Variants in LSP1 observed in about 807,000 individuals in gnomAD.
LSP1 encodes lymphocyte-specific protein 1.
LSP1 carries 32 observed loss-of-function variants against 49.3 expected under a neutral mutation model. That is an observed-to-expected ratio of 0.65 (90% confidence interval 0.49 to 0.87). The LOEUF (loss-of-function observed/expected upper bound fraction) is 0.87, where lower values mean the gene tolerates loss of function less well. LSP1 is among the 40% of genes least tolerant of loss of function. The probability of loss-of-function intolerance (pLI) is 0.00; values close to 1 mark genes in which losing one functional copy is unlikely to be tolerated. For synonymous variants in LSP1, 179 were observed against 178.8 expected, an observed-to-expected ratio of 1.00 and a Z score of -0.01; for missense variants, 428 against 442.6, an observed-to-expected ratio of 0.97 and a Z score of 0.30.
chr11:1,886,394 A>G (rs1275139701), intron 7 of LSP1, among the ~76,000 whole-genome samples: 1 of 149,128 alleles, frequency 6.7e-6, no homozygotes, highest in African/African-American at 2.6e-5. Context: ...CCATCCAACC[A>G]ATACTCTGAA....
intron 10 of LSP1, chr11:1,889,542 A>T: frequency 1.6e-6 from 1 of 612,600 alleles, no homozygotes; most frequent in South Asian, 1.9e-5. Flanking sequence ...CTCCTCCAGC[A>T]GCTGCTTCTT....
intron 1 of LSP1, among the ~76,000 whole-genome samples, chr11:1,877,474 G>A (rs4047081): frequency 1.3e-5 from 2 of 152,150 alleles, no homozygotes; most frequent in East Asian, 1.9e-4. Context: ...GAGCTCAGTC[G>A]GAGTGATCCT....
intron 1 of LSP1, chr11:1,876,717 G>C: frequency 1.2e-6 from 1 of 849,638 alleles, no homozygotes; most frequent in Non-Finnish European, 1.4e-6. Flanking sequence ...AGGTAGAAGT[G>C]GGGGTGGGGG....
rs887699875 is a variant in LSP1, at chr11:1,883,495, C to G, written c.433C>G (p.Pro145Ala). Residue 145 changes from proline (P) to alanine (A), a missense_variant, in exon 4 of 11, where the codon CCA (proline) becomes GCA (alanine). Pro to Ala is a conservative substitution (Grantham distance 27). Coordinates refer to ENST00000311604, the MANE Select transcript of LSP1 (RefSeq NM_002339.3). The stretch of plus-strand genomic sequence containing the variant: ...GGAGTTGAGTCTGAGCAAGGAGGGG[C>G]CAGGCCCAGAGGACACTGTCCAGGA... ...LEELSLSKEG[P>A]GPEDTVQDNL... 1.2e-6 allele frequency: 2 copies of G among 1,613,984 alleles called. No individual in the cohort carries two copies. The highest frequency in any genetic ancestry group is 2.2e-5 in the East Asian group (1 of 44,886).
chr11:1,880,151 A>C lies in LSP1; in HGVS notation c.118A>C (p.Arg40=). Residue 40 remains arginine, a synonymous_variant, in exon 2 of 11, where the codon AGA becomes CGA. Coordinates refer to ENST00000311604, the MANE Select transcript of LSP1 (RefSeq NM_002339.3). The part of the protein sequence containing the change: ...EAVHEQCQHE[R]DRQLQAQDEE... Reference sequence around the variant, plus strand: ...CGTCCACGAGCAATGCCAGCATGAGAGAGACAGGCAGCTTCAGGCCCAGGA... The same window carrying C: ...CGTCCACGAGCAATGCCAGCATGAGCGAGACAGGCAGCTTCAGGCCCAGGA... 9 of 1,607,238 alleles carry C rather than the reference A, an allele frequency of 5.6e-6. No individual in the cohort carries two copies. Among genetic ancestry groups the C allele is most frequent in the Non-Finnish European group, 7.7e-6 (9 of 1,176,262 alleles).
intron 7 of LSP1, among the ~76,000 whole-genome samples, chr11:1,885,640 G>T (rs191345520): frequency 6.6e-6 from 1 of 150,620 alleles, no homozygotes; most frequent in South Asian, 2.1e-4. Flanking sequence ...ATCTAATCAG[G>T]ACATCTCCAT....
At chr11:1,868,896 C>T (rs1440842737) in intron 1 of LSP1, 3 of 985,814 alleles carry the variant, frequency 3.0e-6, no homozygotes, top group Non-Finnish European at 3.6e-6. Context: ...CCCCAGATGC[C>T]CCTGCTGGAA....
intron 1 of LSP1, among the ~76,000 whole-genome samples, chr11:1,875,562 C>G (rs982375624): frequency 6.6e-6 from 1 of 152,222 alleles, no homozygotes; most frequent in Non-Finnish European, 1.5e-5. Flanking sequence ...CTGCTCCGGG[C>G]GGCTCATCAC....
At chr11:1,878,766 C>T (rs1420215695) in intron 1 of LSP1, among the ~76,000 whole-genome samples, 2 of 152,140 alleles carry the variant, frequency 1.3e-5, no homozygotes, top group Non-Finnish European at 2.9e-5. Flanking sequence ...CTGGCCTGGG[C>T]TCCCTCCCTG....
intron 1 of LSP1, chr11:1,869,528 T>A: frequency 2.4e-6 from 1 of 420,714 alleles, no homozygotes; most frequent in Middle Eastern, 6.3e-4. Flanking sequence ...GGAAGCTGTG[T>A]GAGGGTCCCG....
At position 1,886,867 on chromosome 11, in the gene LSP1, G is replaced by T. The variant is rs1182520247; in HGVS notation, c.852+1G>T. On this transcript the variant is annotated splice_donor_variant, in intron 8 of 10. Coordinates refer to ENST00000311604, the MANE Select transcript of LSP1 (RefSeq NM_002339.3). LOFTEE classifies it high-confidence loss of function. ...TGCGGCCAAGACTCCGTCCTGCAAG[G>T]TAAGGTCCCCTCCAGGGGCAAGGCT... The T allele has an allele frequency of 6.2e-7, 1 of 1,610,720 alleles. No homozygotes were observed. The highest frequency in any genetic ancestry group is 2.2e-5 in the East Asian group (1 of 44,874).
rs549823606 is a variant in LSP1, at chr11:1,874,521, C to T, written c.54-5566C>T. Among the ~76,000 whole-genome samples the T allele has an allele frequency of 1.2e-4, 18 of 152,262 alleles. No homozygotes were observed. The East Asian group carries it at 3.1e-3, about 26-fold the overall frequency. On this transcript the variant is annotated intron_variant, in intron 1 of 10. Coordinates refer to ENST00000311604, the MANE Select transcript of LSP1 (RefSeq NM_002339.3). ...GGACCCAGCAGGCCCGGCACCCAGG[C>T]CAGGGCTCCAGGGGAGGCCAGGTGG...
At chr11:1,860,933 A>ATGGAT (rs1291334899) in intron 1 of LSP1, among the ~76,000 whole-genome samples, 14 of 152,196 alleles carry the variant, frequency 9.2e-5, no homozygotes, top group Admixed American at 9.2e-4. Context: ...AAGTAGACAT[A>ATGGAT]TGGATGGATA....
chr11:1,856,381 C>T (rs1448826030), intron 1 of LSP1, among the ~76,000 whole-genome samples: 1 of 152,252 alleles, frequency 6.6e-6, no homozygotes, highest in African/African-American at 2.4e-5. Flanking sequence ...TGGAAGGTGT[C>T]AGAGCCCTGG....
chr11:1,880,260 C>T (rs776175755), intron 2 of LSP1, 36 bp downstream of exon 2: 10 of 1,537,372 alleles, frequency 6.5e-6, no homozygotes, highest in Non-Finnish European at 6.1e-6. Context: ...GGGCTCTAGC[C>T]CCTATCCGTG....
chr11:1,864,034 A>C, intron 1 of LSP1: 1 of 228,948 alleles, frequency 4.4e-6, no homozygotes, highest in Non-Finnish European at 6.9e-6. Flanking sequence ...GAAAGTGGAG[A>C]ACCAGGAGCG....
At chr11:1,882,163 C>T (rs980071868) in intron 3 of LSP1, among the ~76,000 whole-genome samples, 2 of 152,216 alleles carry the variant, frequency 1.3e-5, no homozygotes, top group African/African-American at 4.8e-5. Context: ...CCAACAGGGG[C>T]TGCTCCCGAG....
intron 10 of LSP1, among the ~76,000 whole-genome samples, chr11:1,887,982 C>G (rs1246529745): frequency 6.6e-6 from 1 of 152,152 alleles, no homozygotes; most frequent in Non-Finnish European, 1.5e-5. Context: ...CATAGAGGGG[C>G]AGGAACTTAG....
At chr11:1,855,914 G>A (rs968883522) in intron 1 of LSP1, among the ~76,000 whole-genome samples, 3 of 152,308 alleles carry the variant, frequency 2.0e-5, no homozygotes, top group South Asian at 2.1e-4. Context: ...AGGACGGGGC[G>A]TCCTGGTCCA....
Sources: gnomAD v4.1 joint callset for allele counts (sites outside exome capture counted in the v4.1 genomes callset) on GRCh38, gnomAD v4.1.1 for gene constraint, MANE v1.5 for transcripts, NCBI Gene and HGNC (gene_info 2026-07-23, HGNC 2026-07-21) for gene names.